CNIH3: variants seen among roughly 807,000 people sequenced by gnomAD.
The protein encoded by CNIH3 is protein cornichon homolog 3.
In CNIH3, 14 loss-of-function variants were observed where a neutral mutation model predicts 24.1. The ratio of observed to expected loss-of-function variants is 0.58; its 90% CI spans 0.38 to 0.91. The LOEUF (loss-of-function observed/expected upper bound fraction) is 0.91. Ranked by LOEUF, CNIH3 falls within the 40% of genes least tolerant of loss-of-function variation. CNIH3 has a pLI of 0.00. For missense variants in CNIH3, 178 were observed against 196.8 expected, an observed-to-expected ratio of 0.90 and a Z score of 0.57; for synonymous variants, 68 against 73.8, an observed-to-expected ratio of 0.92 and a Z score of 0.40.
intron 1 of CNIH3, among the ~76,000 whole-genome samples, chr1:224,665,320 C>G (rs761936539): frequency 6.6e-6 from 1 of 152,126 alleles, no homozygotes; most frequent in African/African-American, 2.4e-5. Context: ...AAGGAGGTAA[C>G]CTACTTCATC....
At chr1:224,616,150 T>TGGCGGC, upstream of CNIH3, 1 of 156,072 alleles carries the variant, frequency 6.4e-6, no homozygotes. Flanking sequence ...ACAGCTGCAG[T>TGGCGGC]GGCGGCGGCA....
downstream of CNIH3, among the ~76,000 whole-genome samples, chr1:224,540,625 A>C (rs1010729231): frequency 2.0e-5 from 3 of 152,214 alleles, no homozygotes; most frequent in African/African-American, 7.2e-5. Context: ...ATATTTAGAA[A>C]ACTCATGCAG....
intron 2 of CNIH3, among the ~76,000 whole-genome samples, chr1:224,683,915 G>T (rs1433208988): frequency 6.6e-6 from 1 of 152,130 alleles, no homozygotes; most frequent in African/African-American, 2.4e-5. Context: ...TCCTGATGTG[G>T]GCTTCTTCCT....
intron 1 of CNIH3, among the ~76,000 whole-genome samples, chr1:224,448,447 T>A (rs768453543): frequency 6.6e-6 from 1 of 152,206 alleles, no homozygotes; most frequent in African/African-American, 2.4e-5. Context: ...GAGGTAATTA[T>A]AATTTGATCT....
chr1:224,644,632 T>A (rs1286343097), intron 1 of CNIH3, among the ~76,000 whole-genome samples: 1 of 152,238 alleles, frequency 6.6e-6, no homozygotes, highest in African/African-American at 2.4e-5. Flanking sequence ...CTTAAATTTC[T>A]CCTGGCTGCC....
chr1:224,613,793 G>C (rs191580650), upstream of CNIH3, among the ~76,000 whole-genome samples: 1 of 152,112 alleles, frequency 6.6e-6, no homozygotes, highest in Non-Finnish European at 1.5e-5. Flanking sequence ...CCCCGAAGCC[G>C]AGCAAATGCT....
At chr1:224,575,221 T>A in intron 4 of CNIH3, 4 of 1,335,242 alleles carry the variant, frequency 3.0e-6, no homozygotes, top group Admixed American at 1.7e-5. Context: ...TTGGTGGTGA[T>A]CCCCAAGTCT....
intron 1 of CNIH3, among the ~76,000 whole-genome samples, chr1:224,620,999 T>C (rs1269897028): frequency 6.6e-6 from 1 of 152,274 alleles, no homozygotes; most frequent in African/African-American, 2.4e-5. Flanking sequence ...GTGTGTCTCA[T>C]TTATATAAAC....
At chr1:224,599,844 T>C (rs1308120391) in intron 3 of CNIH3, among the ~76,000 whole-genome samples, 1 of 152,200 alleles carries the variant, frequency 6.6e-6, no homozygotes. Flanking sequence ...GGTTTAATTT[T>C]CCAAATGTTT....
At chr1:224,718,088 T>G (rs1688520472) in intron 3 of CNIH3, among the ~76,000 whole-genome samples, 1 of 152,102 alleles carries the variant, frequency 6.6e-6, no homozygotes, top group Admixed American at 6.5e-5. Context: ...AGCTGCCCTA[T>G]GGAACATTCA....
At chr1:224,479,864 G>A (rs1213789377) in intron 1 of CNIH3, among the ~76,000 whole-genome samples, 1 of 152,156 alleles carries the variant, frequency 6.6e-6, no homozygotes, top group Non-Finnish European at 1.5e-5. Flanking sequence ...GGCTTTTCCA[G>A]GCACATGCTG....
At chr1:224,728,344 A>ACC (rs1689145259) in intron 3 of CNIH3, among the ~76,000 whole-genome samples, 1 of 152,136 alleles carries the variant, frequency 6.6e-6, no homozygotes, top group Non-Finnish European at 1.5e-5. Context: ...AGGATTGGTT[A>ACC]TCACAGCTCT....
intron 1 of CNIH3, chr1:224,515,888 G>A (rs1380748146): frequency 1.3e-5 from 2 of 152,146 alleles, no homozygotes; most frequent in East Asian, 1.9e-4. Context: ...TACGAAGGTC[G>A]TTGCTTAGAG....
intron 1 of CNIH3, among the ~76,000 whole-genome samples, chr1:224,461,023 G>A (rs1328232031): frequency 1.4e-5 from 2 of 144,748 alleles, no homozygotes; most frequent in Non-Finnish European, 1.5e-5. Context: ...TTTTTTTTGA[G>A]ATGGAGTCTC....
At chr1:224,726,137 G>A (rs1558339545) in intron 3 of CNIH3, among the ~76,000 whole-genome samples, 2 of 152,240 alleles carry the variant, frequency 1.3e-5, no homozygotes, top group Admixed American at 6.5e-5. Context: ...GCTCTGTTGG[G>A]TGGAGGGCAC....
chr1:224,707,363 C>G (rs1687877015), intron 3 of CNIH3, among the ~76,000 whole-genome samples: 2 of 152,136 alleles, frequency 1.3e-5, no homozygotes, highest in South Asian at 4.1e-4. Flanking sequence ...AAGCCCAAAA[C>G]ACACTTCAAC....
chr1:224,519,406 C>T (rs1467989453), intron 1 of CNIH3, among the ~76,000 whole-genome samples: 1 of 152,122 alleles, frequency 6.6e-6, no homozygotes, highest in South Asian at 2.1e-4. Flanking sequence ...GACGGAACTA[C>T]ACCACCAGCC....
chr1:224,445,088 G>A (rs568511344), intron 1 of CNIH3, among the ~76,000 whole-genome samples: 3 of 152,014 alleles, frequency 2.0e-5, no homozygotes, highest in African/African-American at 7.3e-5. Context: ...ACGTTACCAG[G>A]ACCCCAGTAG....
intron 1 of CNIH3, among the ~76,000 whole-genome samples, chr1:224,642,184 C>G (rs1319454496): frequency 6.6e-6 from 1 of 152,178 alleles, no homozygotes; most frequent in African/African-American, 2.4e-5. Context: ...AGGCACTGTT[C>G]TTACTGTAAC....
Sources: allele counts gnomAD v4.1 joint callset (sites outside exome capture counted in the v4.1 genomes callset), GRCh38; gene constraint gnomAD v4.1.1; transcripts MANE v1.5; gene names NCBI Gene and HGNC (gene_info 2026-07-23, HGNC 2026-07-21).